Variants in DPP6 observed in about 807,000 individuals in gnomAD.
The protein encoded by DPP6 is dipeptidyl peptidase like 6.
A neutral mutation model predicts 122.6 loss-of-function variants in DPP6; 69 were observed. The observed-to-expected ratio is 0.56, with a 90% CI of 0.46 to 0.69. The LOEUF (loss-of-function observed/expected upper bound fraction) is 0.69. Ranked by LOEUF, DPP6 falls within the 30% of genes least tolerant of loss-of-function variation. DPP6 has a pLI of 0.00. For missense variants in DPP6, 928 were observed against 1,116.9 expected, an observed-to-expected ratio of 0.83 and a Z score of 2.41; for synonymous variants, 418 against 433.1, an observed-to-expected ratio of 0.97 and a Z score of 0.43.
intron 1 of DPP6, among the ~76,000 whole-genome samples, chr7:154,293,970 T>C (rs1184662610): frequency 6.6e-6 from 1 of 152,160 alleles, no homozygotes; most frequent in African/African-American, 2.4e-5. Flanking sequence ...AGCCTAGCCA[T>C]GACGAGAGCC....
At chr7:154,256,998 C>CTTCTTT in intron 1 of DPP6, among the ~76,000 whole-genome samples, 1 of 132,858 alleles carries the variant, frequency 7.5e-6, no homozygotes, top group South Asian at 2.4e-4. Context: ...TCTTCTTCTT[C>CTTCTTT]TTTTTTTTTT....
chr7:154,342,161 T>A (rs1443951376), intron 1 of DPP6, among the ~76,000 whole-genome samples: 1 of 152,052 alleles, frequency 6.6e-6, no homozygotes, highest in African/African-American at 2.4e-5. Context: ...AGGGAGAGAA[T>A]GTCTAGGCTG....
intron 10 of DPP6, among the ~76,000 whole-genome samples, chr7:154,777,740 T>C (rs1259293291): frequency 1.3e-5 from 2 of 152,042 alleles, no homozygotes; most frequent in Non-Finnish European, 2.9e-5. Context: ...GCTGCTCTTC[T>C]CCTGATTCCC....
At chr7:154,666,183 GTATATA>G (rs377270855) in intron 6 of DPP6, among the ~76,000 whole-genome samples, 32 of 32,846 alleles carry the variant, frequency 9.7e-4, no homozygotes, top group Middle Eastern at 0.017. Flanking sequence ...ATATATGTGT[GTATATA>G]TATATATATA....
chr7:154,029,924 G>C (rs143718047), intron 1 of DPP6, among the ~76,000 whole-genome samples: 25 of 152,146 alleles, frequency 1.6e-4, no homozygotes, highest in African/African-American at 6.0e-4. Flanking sequence ...GGCCAGGCAC[G>C]GTGGCTCACG....
intron 1 of DPP6, among the ~76,000 whole-genome samples, chr7:154,344,294 G>T (rs1274921905): frequency 1.3e-5 from 2 of 152,100 alleles, no homozygotes; most frequent in Non-Finnish European, 2.9e-5. Context: ...TTTCTAACTG[G>T]CAGACAGGCG....
In DPP6 at chr7:153,940,820, A is replaced by C. The variant is rs112792862; in HGVS notation, c.51+53086A>C. 5.3e-3 allele frequency among the ~76,000 whole-genome samples: 805 copies of C among 152,262 alleles called. 4 individuals are homozygous for C. Among genetic ancestry groups the C allele is most frequent in the African/African-American group, 0.018 (748 of 41,524 alleles). On this transcript the variant is annotated intron_variant, in intron 1 of 25. Transcript: ENST00000404039. ...TAAGCCCCAATTCATGTAAGATCTG[A>C]ATAAAAGCGGTGTGTTCGCCAAGCA...
At chr7:154,465,317 A>G (rs188813416) in intron 2 of DPP6, among the ~76,000 whole-genome samples, 1 of 152,354 alleles carries the variant, frequency 6.6e-6, no homozygotes, top group African/African-American at 2.4e-5. Flanking sequence ...AGACTGGGTG[A>G]TTTAGAAAAC....
intron 1 of DPP6, among the ~76,000 whole-genome samples, chr7:154,297,743 G>C (rs998783532): frequency 2.0e-5 from 3 of 152,180 alleles, no homozygotes; most frequent in African/African-American, 7.2e-5. Flanking sequence ...AAAAGCCTCT[G>C]CTCCTTCTAT....
chr7:154,452,594 A>C (rs1389858475), intron 2 of DPP6, among the ~76,000 whole-genome samples: 1 of 152,252 alleles, frequency 6.6e-6, no homozygotes, highest in Non-Finnish European at 1.5e-5. Flanking sequence ...TGCAACTCAG[A>C]GTACAGTATC....
At chr7:154,406,464 C>A (rs1816110799) in intron 1 of DPP6, among the ~76,000 whole-genome samples, 1 of 149,384 alleles carries the variant, frequency 6.7e-6, no homozygotes, top group Non-Finnish European at 1.5e-5. Flanking sequence ...CATGCACATG[C>A]ACACGCACAC....
chr7:154,129,592 G>C (rs1348140745), intron 1 of DPP6, among the ~76,000 whole-genome samples: 1 of 152,160 alleles, frequency 6.6e-6, no homozygotes, highest in Non-Finnish European at 1.5e-5. Context: ...GTGAAACCCT[G>C]TCTCTACTAA....
intron 4 of DPP6, among the ~76,000 whole-genome samples, chr7:154,545,497 A>ATCCATCCTTCCT (rs1554582545): frequency 8.2e-6 from 1 of 122,034 alleles, no homozygotes; most frequent in Non-Finnish European, 1.6e-5. Flanking sequence ...CCTTCCTTCC[A>ATCCATCCTTCCT]TCCTTCCTTC....
intron 1 of DPP6, among the ~76,000 whole-genome samples, chr7:154,304,516 A>C (rs1401593919): frequency 3.3e-5 from 5 of 151,726 alleles, no homozygotes; most frequent in Admixed American, 3.3e-4. Flanking sequence ...AGCTCAGGAC[A>C]CAGTGGGGAG....
At chr7:154,147,648 T>TTGTGTG (rs370147218) in intron 1 of DPP6, among the ~76,000 whole-genome samples, 1 of 146,364 alleles carries the variant, frequency 6.8e-6, no homozygotes, top group Non-Finnish European at 1.5e-5. Flanking sequence ...CCCAGCTAAT[T>TTGTGTG]TGTGTGTGTG....
chr7:154,576,281 G>A (rs1253573672), intron 5 of DPP6, among the ~76,000 whole-genome samples: 1 of 152,024 alleles, frequency 6.6e-6, no homozygotes, highest in African/African-American at 2.4e-5. Context: ...AGTGATGGAC[G>A]CTCACTCCCT....
intron 1 of DPP6, among the ~76,000 whole-genome samples, chr7:154,284,517 A>G (rs144099504): frequency 2.0e-5 from 3 of 152,204 alleles, no homozygotes; most frequent in African/African-American, 7.2e-5. Context: ...CTTAAAAAGA[A>G]ATGAAGTTCT....
intron 1 of DPP6, among the ~76,000 whole-genome samples, chr7:153,979,555 G>A (rs1472934028): frequency 8.5e-5 from 13 of 152,146 alleles, no homozygotes; most frequent in Non-Finnish European, 1.3e-4. Flanking sequence ...TTGCCTGATT[G>A]CCCTGGCAAG....
chr7:154,210,521 A>G (rs1263799173), intron 1 of DPP6, among the ~76,000 whole-genome samples: 2 of 152,202 alleles, frequency 1.3e-5, no homozygotes, highest in Non-Finnish European at 2.9e-5. Flanking sequence ...AATACCTAGG[A>G]AAAACTTGTG....
Sources: gnomAD v4.1 joint callset for allele counts (sites outside exome capture counted in the v4.1 genomes callset) on GRCh38, gnomAD v4.1.1 for gene constraint, MANE v1.5 for transcripts, NCBI Gene and HGNC (gene_info 2026-07-23, HGNC 2026-07-21) for gene names.